Variants in ROBO2 observed in about 807,000 individuals in gnomAD.
The protein encoded by ROBO2 is roundabout guidance receptor 2, also known as roundabout homolog 2.
A neutral mutation model predicts 160.8 loss-of-function variants in ROBO2; 53 were observed. The ratio of observed to expected loss-of-function variants is 0.33; its 90% confidence interval spans 0.26 to 0.41. ROBO2 has a LOEUF of 0.41. ROBO2 is among the 10% of genes least tolerant of loss of function. ROBO2 has a pLI of 1.00. For missense variants in ROBO2, 1,577 were observed against 1,722.4 expected, an observed-to-expected ratio of 0.92 and a Z score of 1.49; for synonymous variants, 664 against 611.7, an observed-to-expected ratio of 1.09 and a Z score of -1.26.
At chr3:76,387,425 A>G (rs890437230) in intron 2 of ROBO2, among the ~76,000 whole-genome samples, 2 of 151,992 alleles carry the variant, frequency 1.3e-5, no homozygotes. Flanking sequence ...CATTATTAAT[A>G]GAAACTAGTA....
intron 2 of ROBO2, among the ~76,000 whole-genome samples, chr3:76,981,992 T>G (rs1285884966): frequency 6.6e-6 from 1 of 152,162 alleles, no homozygotes; most frequent in Non-Finnish European, 1.5e-5. Context: ...TCTCCAGCAT[T>G]GGGGATTACA....
intron 2 of ROBO2, among the ~76,000 whole-genome samples, chr3:76,716,582 A>G (rs1387174633): frequency 6.6e-6 from 1 of 152,238 alleles, no homozygotes; most frequent in Admixed American, 6.5e-5. Context: ...CTAATGTGCT[A>G]GAGCAAGAAA....
intron 9 of ROBO2, among the ~76,000 whole-genome samples, chr3:77,561,149 G>A (rs1260680973): frequency 6.6e-6 from 1 of 152,124 alleles, no homozygotes; most frequent in East Asian, 1.9e-4. Context: ...AATCAATTAA[G>A]ATAGTGAAAT....
At chr3:76,983,943 C>T (rs953811314) in intron 2 of ROBO2, among the ~76,000 whole-genome samples, 3 of 152,156 alleles carry the variant, frequency 2.0e-5, no homozygotes, top group Non-Finnish European at 4.4e-5. Context: ...GCTAGGGAGG[C>T]CTCAGGAAAC....
At chr3:76,591,425 TA>T in intron 2 of ROBO2, among the ~76,000 whole-genome samples, 1 of 152,218 alleles carries the variant, frequency 6.6e-6, no homozygotes, top group Middle Eastern at 3.4e-3. Context: ...TCAACTGTAA[TA>T]AAAAAGATCA....
At chr3:76,377,374 G>T (rs2076398746) in intron 2 of ROBO2, among the ~76,000 whole-genome samples, 1 of 152,058 alleles carries the variant, frequency 6.6e-6, no homozygotes, top group Admixed American at 6.6e-5. Context: ...GCCTTTTATT[G>T]ACAAAAGAGA....
chr3:76,041,247 A>T (rs2067263598), intron 2 of ROBO2, among the ~76,000 whole-genome samples: 1 of 152,064 alleles, frequency 6.6e-6, no homozygotes, highest in Non-Finnish European at 1.5e-5. Context: ...CTGCTGAGGA[A>T]GATAATGTCA....
chr3:76,732,830 T>C (rs1485489827), intron 2 of ROBO2, among the ~76,000 whole-genome samples: 4 of 152,120 alleles, frequency 2.6e-5, no homozygotes, highest in Non-Finnish European at 4.4e-5. Flanking sequence ...CCAATAAATA[T>C]CTTTTGCTTT....
chr3:76,270,170 T>C (rs1707344573), intron 2 of ROBO2, among the ~76,000 whole-genome samples: 1 of 152,074 alleles, frequency 6.6e-6, no homozygotes, highest in African/African-American at 2.4e-5. Context: ...GCATAAACAC[T>C]GAAGTAGTGG....
intron 2 of ROBO2, among the ~76,000 whole-genome samples, chr3:76,991,140 G>A (rs956175343): frequency 3.3e-5 from 5 of 152,088 alleles, no homozygotes; most frequent in African/African-American, 1.2e-4. Context: ...TCTAAAACTT[G>A]ACCTGGTCTC....
At chr3:76,441,403 A>C (rs1212940883) in intron 2 of ROBO2, among the ~76,000 whole-genome samples, 1 of 152,188 alleles carries the variant, frequency 6.6e-6, no homozygotes, top group African/African-American at 2.4e-5. Flanking sequence ...AGCTTGTATA[A>C]AGAAACTGTT....
chr3:77,321,830 C>A (rs1476165558), intron 2 of ROBO2, among the ~76,000 whole-genome samples: 1 of 152,008 alleles, frequency 6.6e-6, no homozygotes, highest in Non-Finnish European at 1.5e-5. Flanking sequence ...ATATGTACAA[C>A]AAACTAAGAG....
intron 2 of ROBO2, among the ~76,000 whole-genome samples, chr3:76,355,869 A>G (rs1490713770): frequency 2.0e-5 from 3 of 151,770 alleles, no homozygotes; most frequent in Non-Finnish European, 2.9e-5. Context: ...AATTGAATCT[A>G]TTAAAGCTAC....
intron 2 of ROBO2, among the ~76,000 whole-genome samples, chr3:77,125,771 A>G (rs563414108): frequency 6.6e-6 from 1 of 152,326 alleles, no homozygotes; most frequent in African/African-American, 2.4e-5. Flanking sequence ...GTATATATAT[A>G]ACTTAACTGA....
chr3:76,963,283 A>G (rs1034511057), intron 2 of ROBO2, among the ~76,000 whole-genome samples: 2 of 152,152 alleles, frequency 1.3e-5, no homozygotes, highest in African/African-American at 4.8e-5. Flanking sequence ...TGTCTTCAAA[A>G]TATTTTGCTT....
chr3:76,617,697 C>T (rs574796816), intron 2 of ROBO2, among the ~76,000 whole-genome samples: 1 of 152,192 alleles, frequency 6.6e-6, no homozygotes, highest in East Asian at 1.9e-4. Flanking sequence ...GACCTATAGA[C>T]CACCTGTATT....
intron 2 of ROBO2, among the ~76,000 whole-genome samples, chr3:76,960,356 G>T (rs562962165): frequency 6.6e-6 from 1 of 151,834 alleles, no homozygotes; most frequent in Non-Finnish European, 1.5e-5. Flanking sequence ...TATTGCTATG[G>T]GTTGTTGATT....
intron 2 of ROBO2, among the ~76,000 whole-genome samples, chr3:76,128,362 G>C (rs1016867114): frequency 3.3e-5 from 5 of 152,052 alleles, no homozygotes; most frequent in African/African-American, 4.8e-5. Flanking sequence ...TGAAGTGAAT[G>C]ATCTTAAACA....
At chr3:76,241,480 ATACTTG>A (rs1259500910) in intron 2 of ROBO2, among the ~76,000 whole-genome samples, 3 of 152,208 alleles carry the variant, frequency 2.0e-5, no homozygotes, top group African/African-American at 7.2e-5. Flanking sequence ...TGGAGCTTAT[ATACTTG>A]TATGTTTGAA....
Sources: allele counts gnomAD v4.1 joint callset (sites outside exome capture counted in the v4.1 genomes callset), GRCh38; gene constraint gnomAD v4.1.1; transcripts MANE v1.5; gene names NCBI Gene and HGNC (gene_info 2026-07-23, HGNC 2026-07-21).